The following AUTS2 variants were observed in gnomAD, a reference collection of about 807,000 sequenced individuals.
The protein encoded by AUTS2 is activator of transcription and developmental regulator AUTS2.
AUTS2 carries 17 observed loss-of-function variants against 112.4 expected under a neutral mutation model. The observed-to-expected ratio is 0.15, with a 90% CI of 0.10 to 0.23. AUTS2 has a LOEUF of 0.23. Ranked by LOEUF, AUTS2 falls within the 10% of genes least tolerant of loss-of-function variation. The pLI is 1.00. For synonymous variants in AUTS2, 751 were observed against 702.7 expected, an observed-to-expected ratio of 1.07 and a Z score of -1.09; for missense variants, 1,510 against 1,701.6, an observed-to-expected ratio of 0.89 and a Z score of 1.98.
intron 2 of AUTS2, among the ~76,000 whole-genome samples, chr7:69,901,448 T>C (rs1323907589): frequency 6.6e-6 from 1 of 152,230 alleles, no homozygotes; most frequent in East Asian, 1.9e-4. Context: ...TCTTCGAGAC[T>C]TTCAAGGTCC....
In AUTS2 at chr7:70,791,677, A is replaced by G. The variant is rs1791972558; in HGVS notation, c.*681A>G. The G allele has an allele frequency of 6.6e-6, 1 of 152,548 alleles. No individual in the cohort carries two copies. The highest frequency in any genetic ancestry group is 2.1e-4 in the South Asian group (1 of 4,816). The allele number at this position is 152,548 out of a possible 1,614,324, so 9.4% of individuals were successfully genotyped here. On this transcript the variant is annotated 3_prime_UTR_variant, in exon 19 of 19. Transcript: ENST00000342771. The stretch of plus-strand genomic sequence containing the variant: ...TTTCAAATCCATTTACAGCATACTT[A>G]AGGTCATATTTTCCCTGAACAAGCG...
chr7:69,938,141 A>G (rs1043632653), intron 2 of AUTS2, among the ~76,000 whole-genome samples: 6 of 152,220 alleles, frequency 3.9e-5, no homozygotes, highest in Non-Finnish European at 7.3e-5. Flanking sequence ...ATGACTGCCC[A>G]TGACCAGCAG....
At chr7:70,658,350 C>A (rs1369362330) in intron 5 of AUTS2, among the ~76,000 whole-genome samples, 2 of 152,226 alleles carry the variant, frequency 1.3e-5, no homozygotes, top group Non-Finnish European at 2.9e-5. Context: ...ACCACACTTG[C>A]ACATGCCTCA....
rs527272593 is a variant in AUTS2 at position 70,785,314 on chromosome 7, T to C, written c.2224+295T>C. On this transcript the variant is annotated intron_variant, in intron 16 of 18. Coordinates refer to ENST00000342771, the MANE Select transcript of AUTS2 (RefSeq NM_015570.4). Reference sequence around the variant, plus strand: ...TCCTTGGTATCTCAGGGAATCCGAGTTTACAACAGCCTGTTCCTGCCCATT... The same window carrying C: ...TCCTTGGTATCTCAGGGAATCCGAGCTTACAACAGCCTGTTCCTGCCCATT... The C allele has an allele frequency of 5.0e-6, 3 of 596,348 alleles. No individual in the cohort carries two copies. In the East Asian group the frequency reaches 1.1e-4, roughly 21 times the overall value. The allele number at this position is 596,348 out of a possible 1,614,324, so 36.9% of individuals were successfully genotyped here. A position where few individuals can be genotyped will look rare whatever the true frequency, so the allele number is the denominator to read the frequency against.
At chr7:70,164,409 T>C (rs1485441947) in intron 4 of AUTS2, among the ~76,000 whole-genome samples, 2 of 152,174 alleles carry the variant, frequency 1.3e-5, no homozygotes, top group African/African-American at 2.4e-5. Context: ...GTATGTTTAG[T>C]CATTATATCT....
intron 1 of AUTS2, among the ~76,000 whole-genome samples, chr7:69,617,304 G>A (rs899142895): frequency 2.0e-5 from 3 of 152,170 alleles, no homozygotes; most frequent in Non-Finnish European, 2.9e-5. Flanking sequence ...TCACTTGTAT[G>A]TGTATGCTTA....
chr7:70,187,571 A>T (rs985377460), intron 4 of AUTS2, among the ~76,000 whole-genome samples: 1 of 152,136 alleles, frequency 6.6e-6, no homozygotes, highest in Non-Finnish European at 1.5e-5. Flanking sequence ...TAAAGCAGTA[A>T]TTCCGCCTCA....
chr7:69,863,824 A>G (rs956155355), intron 1 of AUTS2, among the ~76,000 whole-genome samples: 1 of 152,208 alleles, frequency 6.6e-6, no homozygotes, highest in Non-Finnish European at 1.5e-5. Context: ...AATGAAGCCC[A>G]GGGAGATACA....
chr7:70,368,647 A>C (rs1792696472), intron 4 of AUTS2, among the ~76,000 whole-genome samples: 1 of 152,146 alleles, frequency 6.6e-6, no homozygotes, highest in Non-Finnish European at 1.5e-5. Flanking sequence ...CCATCTCGGT[A>C]TTTGCCTCTG....
chr7:70,549,907 C>T (rs1239709398), intron 5 of AUTS2, among the ~76,000 whole-genome samples: 1 of 152,198 alleles, frequency 6.6e-6, no homozygotes, highest in African/African-American at 2.4e-5. Flanking sequence ...ACCTCATCTT[C>T]ATGTCTACCT....
At chr7:70,218,954 T>A (rs940619855) in intron 4 of AUTS2, among the ~76,000 whole-genome samples, 2 of 152,088 alleles carry the variant, frequency 1.3e-5, no homozygotes, top group Non-Finnish European at 2.9e-5. Context: ...GAAAAAAAAA[T>A]AGTAGTAAGA....
Position 70,279,103 on chromosome 7 carries a change from C to T in AUTS2, c.660+144532C>T, listed in dbSNP as rs530605987. Among the ~76,000 whole-genome samples the T allele has an allele frequency of 4.9e-4, 74 of 152,312 alleles. 1 individual carries two copies. The highest frequency in any genetic ancestry group is 3.9e-3 in the Admixed American group (59 of 15,300). On this transcript the variant is annotated intron_variant, in intron 4 of 18. Transcript: ENST00000342771. Reference sequence around the variant, plus strand: ...ATTTTGTATACCTTTGGGTGGGCCTCTTCCTCTTCTCCCCCTGCATCTCTA... The same window carrying T: ...ATTTTGTATACCTTTGGGTGGGCCTTTTCCTCTTCTCCCCCTGCATCTCTA...
chr7:69,972,035 A>G (rs964726141), intron 2 of AUTS2, among the ~76,000 whole-genome samples: 1 of 152,164 alleles, frequency 6.6e-6, no homozygotes, highest in African/African-American at 2.4e-5. Flanking sequence ...CTACTATTGC[A>G]TATTCTCTTT....
chr7:70,770,696 G>A (rs1790282263), intron 10 of AUTS2, among the ~76,000 whole-genome samples: 1 of 152,184 alleles, frequency 6.6e-6, no homozygotes, highest in Non-Finnish European at 1.5e-5. Context: ...ACTCCTACGT[G>A]AAGGGCTTGG....
intron 4 of AUTS2, among the ~76,000 whole-genome samples, chr7:70,364,587 A>AAATG (rs918704546): frequency 9.4e-5 from 14 of 148,614 alleles, no homozygotes; most frequent in African/African-American, 3.5e-4. Flanking sequence ...ATAAATAAAT[A>AAATG]AATAAATAAA....
intron 4 of AUTS2, among the ~76,000 whole-genome samples, chr7:70,206,850 TCTC>T (rs553556603): frequency 6.6e-6 from 1 of 152,230 alleles, no homozygotes; most frequent in Non-Finnish European, 1.5e-5. Flanking sequence ...CTGTTAATCT[TCTC>T]CTCCTCAGAT....
intron 1 of AUTS2, among the ~76,000 whole-genome samples, chr7:69,636,480 G>GGCC (rs1562776075): frequency 4.3e-4 from 7 of 16,100 alleles, no homozygotes; most frequent in South Asian, 1.4e-3. Flanking sequence ...AGTGATCCGC[G>GGCC]CCCCCCCCCC....
At chr7:70,402,872 C>A (rs1305267562) in intron 4 of AUTS2, among the ~76,000 whole-genome samples, 5 of 152,156 alleles carry the variant, frequency 3.3e-5, no homozygotes, top group Non-Finnish European at 7.3e-5. Context: ...CTGGGTTTTT[C>A]CCCAGTCGTC....
At chr7:69,865,103 G>GT (rs796779159) in intron 1 of AUTS2, among the ~76,000 whole-genome samples, 12,117 of 139,736 alleles carry the variant, frequency 0.087, 631 homozygotes, top group African/African-American at 0.16. Context: ...AGGATGGTAG[G>GT]TTTTTTTTTT....
Sources: gnomAD v4.1 joint callset for allele counts (sites outside exome capture counted in the v4.1 genomes callset) on GRCh38, gnomAD v4.1.1 for gene constraint, MANE v1.5 for transcripts, NCBI Gene and HGNC (gene_info 2026-07-23, HGNC 2026-07-21) for gene names.